ZNF83: variants seen among roughly 807,000 people sequenced by gnomAD.
ZNF83 encodes the protein zinc finger protein 83.
For synonymous variants in ZNF83, 209 were observed against 213.0 expected (o/e 0.98, Z 0.17); for missense variants, 552 against 629.9 (o/e 0.88, Z 1.32).
chr19:52,614,276 C>G (rs773462019), exon 3 of ZNF83: 2 of 1,614,088 alleles, frequency 1.2e-6, no homozygotes, highest in African/African-American at 1.3e-5. Flanking sequence ...TTGCCACGCT[C>G]ACTACATTTG....
At chr19:52,677,192 A>G (rs1246060502) in intron 1 of ZNF83, among the ~76,000 whole-genome samples, 18 of 151,792 alleles carry the variant, frequency 1.2e-4, no homozygotes, top group Admixed American at 1.2e-3. Context: ...AAAAACAAAA[A>G]CAAAACAATC....
At chr19:52,651,263 T>C (rs930876357) in intron 3 of ZNF83, 1 of 152,232 alleles carries the variant, frequency 6.6e-6, no homozygotes, top group East Asian at 1.9e-4. Flanking sequence ...GCATGTCCTT[T>C]AGCTGAAGAT....
At chr19:52,618,266 GTT>G (rs967173798) in intron 2 of ZNF83, among the ~76,000 whole-genome samples, 1 of 142,008 alleles carries the variant, frequency 7.0e-6, no homozygotes, top group Non-Finnish European at 1.6e-5. Flanking sequence ...TAATTTTTGT[GTT>G]TTTTTTTTTT....
chr19:52,684,422 C>T (rs1351726261), intron 1 of ZNF83, among the ~76,000 whole-genome samples: 2 of 150,398 alleles, frequency 1.3e-5, no homozygotes. Flanking sequence ...GGTGGCACAC[C>T]CCTATAATCC....
chr19:52,681,752 G>A (rs1193165341), intron 1 of ZNF83, among the ~76,000 whole-genome samples: 2 of 152,174 alleles, frequency 1.3e-5, no homozygotes, highest in East Asian at 3.8e-4. Context: ...ATCTAATGGA[G>A]AGAACATGAA....
At position 52,690,201 on chromosome 19, in the gene ZNF83, AC is replaced by A. The variant is rs1287305144; in HGVS notation, c.-283+241del. Among the ~76,000 whole-genome samples, 160 of 150,362 alleles carry A rather than the reference AC, an allele frequency of 1.1e-3. 1 individual carries two copies. The highest frequency in any genetic ancestry group is 3.7e-3 in the African/African-American group (151 of 40,550). The stretch of plus-strand genomic sequence containing the variant: ...TTTTGAGAAAAAAAAAAAAAAAACA[AC>A]AACAACTACGCGATAGGAAGTGTAT... On this transcript the variant is annotated intron_variant, in intron 1 of 5. Transcript: ENST00000594682.
At chr19:52,690,004 TGG>T (rs2062122597) in intron 1 of ZNF83, among the ~76,000 whole-genome samples, 1 of 151,406 alleles carries the variant, frequency 6.6e-6, no homozygotes, top group Non-Finnish European at 1.5e-5. Context: ...AGGACAAGGG[TGG>T]GGTCTGCAGG....
intron 2 of ZNF83, among the ~76,000 whole-genome samples, chr19:52,620,532 T>C (rs534903584): frequency 6.6e-6 from 1 of 152,296 alleles, no homozygotes; most frequent in East Asian, 1.9e-4. Context: ...AAAGGACCCA[T>C]ATGTTATTCA....
At chr19:52,690,464 C>A in exon 1 of ZNF83, 1 of 188,124 alleles carries the variant, frequency 5.3e-6, no homozygotes, top group Non-Finnish European at 1.2e-5. Context: ...GACCGTCACT[C>A]CACGCGATCC....
chr19:52,652,721 A>G (rs1299055102), intron 3 of ZNF83: 1 of 689,998 alleles, frequency 1.4e-6, no homozygotes, highest in African/African-American at 1.8e-5. Flanking sequence ...GAATCATTAC[A>G]TTTGTAAAGT....
At chr19:52,660,681 A>G (rs2061568170) in intron 2 of ZNF83, 1 of 164,328 alleles carries the variant, frequency 6.1e-6, no homozygotes, top group African/African-American at 2.4e-5. Flanking sequence ...AGGACGCTTC[A>G]GACTCACGGA....
rs1380220847 is a variant in ZNF83, at chr19:52,635,123, C to A, written c.-291G>T. On this transcript the variant is annotated 5_prime_UTR_variant, in exon 2 of 3. It adds an upstream start codon to the 5' untranslated region. Coordinates refer to ENST00000301096, the Ensembl canonical transcript of ZNF83. ...TCCTCTTCCCCTTCCGGGTTTCTTC[C>A]TCATGTACCAAGAGTCCTTAGAAGT... 4.4e-6 allele frequency: 3 copies of A among 685,842 alleles called. No homozygotes were observed. The highest frequency in any genetic ancestry group is 7.8e-6 in the Non-Finnish European group (3 of 383,056). The allele number at this position is 685,842 out of a possible 1,614,324, so 42.5% of individuals were successfully genotyped here. A position where few individuals can be genotyped will look rare whatever the true frequency, so the allele number is the denominator to read the frequency against.
intron 1 of ZNF83, among the ~76,000 whole-genome samples, chr19:52,674,817 G>C (rs976614028): frequency 2.0e-5 from 3 of 152,208 alleles, no homozygotes; most frequent in Non-Finnish European, 2.9e-5. Context: ...CTCGTTAAAT[G>C]ATTATACAAC....
At chr19:52,657,231 C>A (rs1423512209) in intron 2 of ZNF83, among the ~76,000 whole-genome samples, 1 of 152,132 alleles carries the variant, frequency 6.6e-6, no homozygotes, top group African/African-American at 2.4e-5. Context: ...TTACGAAGAA[C>A]TACACAGAAA....
chr19:52,648,009 G>A (rs1294271848), intron 3 of ZNF83, among the ~76,000 whole-genome samples: 1 of 150,742 alleles, frequency 6.6e-6, no homozygotes, highest in African/African-American at 2.4e-5. Context: ...TGTCTGTCCT[G>A]GCTGCAAATC....
At chr19:52,667,414 A>G (rs544525490) in intron 1 of ZNF83, among the ~76,000 whole-genome samples, 62 of 152,290 alleles carry the variant, frequency 4.1e-4, no homozygotes, top group African/African-American at 1.5e-3. Flanking sequence ...GAGGGAATTT[A>G]TGCAAGAAAT....
chr19:52,688,018 T>C (rs1208352039), intron 1 of ZNF83, among the ~76,000 whole-genome samples: 1 of 152,074 alleles, frequency 6.6e-6, no homozygotes, highest in Non-Finnish European at 1.5e-5. Flanking sequence ...TTACAGAATG[T>C]ACATGTCTCA....
At chr19:52,664,754 G>T (rs549047374) in intron 1 of ZNF83, among the ~76,000 whole-genome samples, 3 of 151,586 alleles carry the variant, frequency 2.0e-5, no homozygotes, top group South Asian at 2.1e-4. Flanking sequence ...GGCCTGGTGT[G>T]GGGGGGTGAG....
At chr19:52,628,841 A>ATGCCCCAACCTCATATATCTCTG (rs1162733688) in intron 2 of ZNF83, among the ~76,000 whole-genome samples, 1 of 145,228 alleles carries the variant, frequency 6.9e-6, no homozygotes, top group Non-Finnish European at 1.5e-5. Flanking sequence ...CCTTATTTCC[A>ATGCCCCAACCTCATATATCTCTG]TGCCCCAACC....
Sources: allele counts gnomAD v4.1 joint callset (sites outside exome capture counted in the v4.1 genomes callset), GRCh38; gene constraint gnomAD v4.1.1; transcripts MANE v1.5; gene names NCBI Gene and HGNC (gene_info 2026-07-23, HGNC 2026-07-21).